RYR3: variants seen among roughly 807,000 people sequenced by gnomAD.
The protein encoded by RYR3 is brain ryanodine receptor-calcium release channel.
A neutral mutation model predicts 584.3 loss-of-function variants in RYR3; 207 were observed. The ratio of observed to expected loss-of-function variants is 0.35; its 90% CI spans 0.32 to 0.40. The LOEUF is 0.40. Among genes scored for constraint, RYR3 ranks in the 10% least tolerant of loss-of-function variants. The probability of loss-of-function intolerance (pLI) is 1.00; values close to 1 mark genes in which losing one functional copy is unlikely to be tolerated. For missense variants in RYR3, 5,616 were observed against 6,089.2 expected (o/e 0.92, Z 2.59); for synonymous variants, 2,416 against 2,248.5 (o/e 1.07, Z -2.11).
At chr15:33,516,495 C>T (rs562354255) in intron 3 of RYR3, among the ~76,000 whole-genome samples, 1 of 152,182 alleles carries the variant, frequency 6.6e-6, no homozygotes, top group East Asian at 1.9e-4. Context: ...AGATGCCCAC[C>T]ACCACGCCTG....
chr15:33,582,259 G>C (rs1450653405), intron 14 of RYR3, among the ~76,000 whole-genome samples: 1 of 152,188 alleles, frequency 6.6e-6, no homozygotes, highest in Admixed American at 6.5e-5. Context: ...TGTGCAAGAA[G>C]GCGGCCACCA....
chr15:33,595,381 A>C (rs958921659), intron 16 of RYR3, among the ~76,000 whole-genome samples: 2 of 152,218 alleles, frequency 1.3e-5, no homozygotes, highest in African/African-American at 4.8e-5. Context: ...TAACCTTTAT[A>C]ATCTTTATTA....
chr15:33,392,807 C>A (rs1370819490), intron 1 of RYR3, among the ~76,000 whole-genome samples: 2 of 152,002 alleles, frequency 1.3e-5, no homozygotes, highest in Non-Finnish European at 2.9e-5. Flanking sequence ...TGGATGAAAT[C>A]GAAGCAAGTA....
At chr15:33,700,136 C>T (rs770030928) in intron 41 of RYR3, among the ~76,000 whole-genome samples, 5 of 152,194 alleles carry the variant, frequency 3.3e-5, no homozygotes, top group Non-Finnish European at 5.9e-5. Flanking sequence ...CCTGGGATTG[C>T]AGGTATAGTC....
intron 99 of RYR3, chr15:33,858,280 T>C (rs1028773895): frequency 5.8e-5 from 11 of 190,002 alleles, no homozygotes; most frequent in Non-Finnish European, 1.1e-4. Flanking sequence ...TCTCAGCTCA[T>C]TGCAACCTCC....
intron 94 of RYR3, among the ~76,000 whole-genome samples, chr15:33,852,708 T>C (rs192649007): frequency 4.3e-4 from 66 of 152,326 alleles, no homozygotes; most frequent in African/African-American, 1.3e-3. Flanking sequence ...TAGCATTTTG[T>C]TTCTGGTTAT....
chr15:33,452,482 CTAT>C (rs980923468), intron 1 of RYR3, among the ~76,000 whole-genome samples: 3 of 152,084 alleles, frequency 2.0e-5, no homozygotes, highest in African/African-American at 4.8e-5. Flanking sequence ...CTACTTATTT[CTAT>C]TATTATAAGA....
rs1440877475 is a variant in RYR3 at position 33,604,659 on chromosome 15, A to G, written c.2164+1295A>G. Among the ~76,000 whole-genome samples, 3 of 152,224 alleles carry G rather than the reference A, an allele frequency of 2.0e-5. No homozygotes were observed. The East Asian group carries it at 5.8e-4, about 29-fold the overall frequency. ...GGATGATGGGGTCATGTGAAGGGAA[A>G]GTCTTATCTTGTGCTCTCATCCTCC... On this transcript the variant is annotated intron_variant, in intron 18 of 103. Transcript: ENST00000634891.
chr15:33,731,631 A>C lies in RYR3; in HGVS notation c.7361A>C (p.Lys2454Thr). Residue 2454 changes from lysine (K) to threonine (T), a missense_variant, in exon 48 of 104, where the codon AAG becomes ACG. Transcript: ENST00000634891. ...STLQTIYRLS[K>T]GRSLTKAQRD... ...CTGCAGACAATATACAGGCTATCCAAGGGACGTTCCCTCACCAAAGCACAA... is the reference window on the plus strand; with the variant it reads ...CTGCAGACAATATACAGGCTATCCACGGGACGTTCCCTCACCAAAGCACAA... The C allele has an allele frequency of 6.2e-7, 1 of 1,613,926 alleles. No homozygotes were observed. The highest frequency in any genetic ancestry group is 8.5e-7 in the Non-Finnish European group (1 of 1,179,818).
intron 38 of RYR3, among the ~76,000 whole-genome samples, chr15:33,671,754 C>G (rs1217201350): frequency 6.6e-6 from 1 of 151,800 alleles, no homozygotes; most frequent in Non-Finnish European, 1.5e-5. Flanking sequence ...TCCTATATCA[C>G]CTGCTGAGAG....
intron 10 of RYR3, among the ~76,000 whole-genome samples, chr15:33,557,436 G>A (rs150155916): frequency 0.022 from 3,395 of 152,240 alleles, 51 homozygotes; most frequent in Non-Finnish European, 0.035. Context: ...CCAGGCTGGA[G>A]TGCAGTGGCG....
intron 1 of RYR3, among the ~76,000 whole-genome samples, chr15:33,351,249 G>A (rs1973206137): frequency 6.6e-6 from 1 of 152,174 alleles, no homozygotes; most frequent in Admixed American, 6.5e-5. Flanking sequence ...AACAGGATCT[G>A]AAATTGTGGC....
At chr15:33,763,197 C>T (rs1240910841) in intron 60 of RYR3, among the ~76,000 whole-genome samples, 2 of 152,110 alleles carry the variant, frequency 1.3e-5, no homozygotes, top group Admixed American at 6.6e-5. Flanking sequence ...CCATTCAGGA[C>T]ATAGGCATGG....
intron 1 of RYR3, among the ~76,000 whole-genome samples, chr15:33,470,503 A>C (rs1322763400): frequency 6.6e-6 from 1 of 152,296 alleles, no homozygotes; most frequent in Non-Finnish European, 1.5e-5. Flanking sequence ...GAAAGAGGAA[A>C]TAATGGAGAT....
intron 12 of RYR3, among the ~76,000 whole-genome samples, chr15:33,577,050 C>T (rs1425950376): frequency 1.3e-5 from 2 of 152,062 alleles, no homozygotes; most frequent in African/African-American, 4.8e-5. Context: ...CCTAGGAATA[C>T]AGCTAACAAG....
intron 8 of RYR3, among the ~76,000 whole-genome samples, chr15:33,545,955 G>A (rs2056205703): frequency 6.6e-6 from 1 of 152,112 alleles, no homozygotes; most frequent in Admixed American, 6.5e-5. Context: ...TCTGATCCTT[G>A]GCTTTGCCTC....
chr15:33,461,644 T>C (rs2048048691), intron 1 of RYR3, among the ~76,000 whole-genome samples: 1 of 152,098 alleles, frequency 6.6e-6, no homozygotes, highest in Admixed American at 6.5e-5. Context: ...AAATAAGAAA[T>C]ATAAGAGTTG....
chr15:33,387,040 G>A (rs1363939612), intron 1 of RYR3, among the ~76,000 whole-genome samples: 2 of 151,942 alleles, frequency 1.3e-5, no homozygotes, highest in Non-Finnish European at 2.9e-5. Context: ...TGTATTTTTA[G>A]TAGAGACGGG....
At chr15:33,504,687 T>C (rs1193645159) in intron 3 of RYR3, among the ~76,000 whole-genome samples, 1 of 152,218 alleles carries the variant, frequency 6.6e-6, no homozygotes, top group African/African-American at 2.4e-5. Context: ...TAGAGCCCTT[T>C]AGGAGTTGGT....
Sources: gnomAD v4.1 joint callset for allele counts (sites outside exome capture counted in the v4.1 genomes callset) on GRCh38, gnomAD v4.1.1 for gene constraint, MANE v1.5 for transcripts, NCBI Gene and HGNC (gene_info 2026-07-23, HGNC 2026-07-21) for gene names.